Variants in ZDHHC13 observed in about 807,000 individuals in gnomAD.
The protein encoded by ZDHHC13 is zDHHC palmitoyltransferase 13.
Under a neutral mutation model 86.0 loss-of-function variants are expected in ZDHHC13, and 85 were observed. The observed-to-expected ratio is 0.99, with a 90% CI of 0.83 to 1.18. The LOEUF is 1.18. Among genes scored for constraint, ZDHHC13 ranks in the 50% most tolerant of loss-of-function variants. The probability of loss-of-function intolerance (pLI) is 0.00; values close to 1 mark genes in which losing one functional copy is unlikely to be tolerated. For missense variants in ZDHHC13, 711 were observed against 730.2 expected (o/e 0.97, Z 0.30); for synonymous variants, 263 against 246.4 (o/e 1.07, Z -0.63).
At chr11:19,134,124 G>C (rs1849070460) in intron 1 of ZDHHC13, among the ~76,000 whole-genome samples, 1 of 151,766 alleles carries the variant, frequency 6.6e-6, no homozygotes, top group Admixed American at 6.6e-5. Context: ...AGACTATTTT[G>C]AAGATATAAT....
intron 3 of ZDHHC13, among the ~76,000 whole-genome samples, chr11:19,146,616 C>G (rs1192398086): frequency 1.3e-5 from 2 of 152,058 alleles, no homozygotes; most frequent in Non-Finnish European, 2.9e-5. Flanking sequence ...GAAGTCTCAT[C>G]TAGTTTAGAA....
intron 9 of ZDHHC13, among the ~76,000 whole-genome samples, chr11:19,156,707 C>T (rs74723403): frequency 0.016 from 2,455 of 152,198 alleles, 64 homozygotes; most frequent in African/African-American, 0.056. Context: ...TCACCTCCCA[C>T]GTCCAACCCA....
At chr11:19,137,675 C>G (rs573337512) in intron 1 of ZDHHC13, among the ~76,000 whole-genome samples, 58 of 152,172 alleles carry the variant, frequency 3.8e-4, no homozygotes, top group Non-Finnish European at 7.3e-4. Flanking sequence ...AAGTAAAGCT[C>G]TCCTCAGCAA....
At chr11:19,125,434 A>G (rs1848852606) in intron 1 of ZDHHC13, among the ~76,000 whole-genome samples, 1 of 152,248 alleles carries the variant, frequency 6.6e-6, no homozygotes, top group African/African-American at 2.4e-5. Flanking sequence ...AGATGCCCCT[A>G]TACATCTATT....
At chr11:19,174,107 C>A (rs111889207) in intron 16 of ZDHHC13, among the ~76,000 whole-genome samples, 2 of 152,130 alleles carry the variant, frequency 1.3e-5, no homozygotes, top group Admixed American at 1.3e-4. Flanking sequence ...GTACTGAACT[C>A]GGTATATACC....
intron 1 of ZDHHC13, among the ~76,000 whole-genome samples, chr11:19,140,681 GAT>G: frequency 6.6e-6 from 1 of 152,188 alleles, no homozygotes; most frequent in Admixed American, 6.5e-5. Context: ...GTCCAACAAT[GAT>G]AGACTGGATT....
rs767986287 is a variant in ZDHHC13 at position 19,164,672 on chromosome 11, C to T, written c.1296+309C>T. 33 of 422,146 alleles carry T rather than the reference C, an allele frequency of 7.8e-5. No homozygotes were observed. The Admixed American group carries it at 8.9e-4, about 11-fold the overall frequency. The allele number at this position is 422,146 out of a possible 1,614,324, so 26.2% of individuals were successfully genotyped here. On this transcript the variant is annotated intron_variant, in intron 12 of 16. Transcript: ENST00000446113. ...CAGAGGCTCATAATGACCTTAGAAACCACTTAGTGAAACCTCTCATTTTGC... is the reference window on the plus strand; with the variant it reads ...CAGAGGCTCATAATGACCTTAGAAATCACTTAGTGAAACCTCTCATTTTGC...
rs754506792 is a variant in ZDHHC13, at chr11:19,150,751, G to A, written c.544G>A (p.Gly182Arg). 6.2e-7 allele frequency: 1 copy of A among 1,610,620 alleles called. No individual in the cohort carries two copies. The highest frequency in any genetic ancestry group is 1.7e-5 in the Admixed American group (1 of 59,986). The change falls in exon 6 of 17, where the codon GGG becomes AGG. Residue 182 changes from glycine to arginine, a missense_variant. Transcript: ENST00000446113. ...GAGTGTGAATATGACAGATGTAAAT[G>A]GGCAGACACCTCTCATGTTATCAGC... ...GQSVNMTDVN[G>R]QTPLMLSAHK...
chr11:19,167,036 A>G (rs1331709694), intron 14 of ZDHHC13: 3 of 152,248 alleles, frequency 2.0e-5, no homozygotes, highest in Non-Finnish European at 4.4e-5. Context: ...GAACCAAGAA[A>G]GATTTTGGCT....
Position 19,139,601 on chromosome 11 carries a change from C to G in ZDHHC13, c.28-3377C>G, listed in dbSNP as rs1403345090. On this transcript the variant is annotated intron_variant, in intron 1 of 16. Coordinates refer to ENST00000446113, the MANE Select transcript of ZDHHC13 (RefSeq NM_019028.3). ...TATGGAACCAAAAAAGAGCCCGCATCGCCAAGTCAATCCTAAGCCAAAAGA... is the reference window on the plus strand; with the variant it reads ...TATGGAACCAAAAAAGAGCCCGCATGGCCAAGTCAATCCTAAGCCAAAAGA... 4.6e-3 allele frequency among the ~76,000 whole-genome samples: 689 copies of G among 149,820 alleles called. 3 individuals are homozygous for G. Among genetic ancestry groups the G allele is most frequent in the African/African-American group, 0.016 (654 of 40,410 alleles).
At position 19,170,583 on chromosome 11, in the gene ZDHHC13, T is replaced by C. The variant is rs773574315; in HGVS notation, c.1632+15T>C. ...AACTCTTTCAGGTATTTATTTCTCT[T>C]CTTATAATGGCTTTGAGTAAAATTT... On this transcript the variant is annotated intron_variant, in intron 15 of 16. Transcript: ENST00000446113. 4 of 1,509,806 alleles carry C rather than the reference T, an allele frequency of 2.6e-6. No individual in the cohort carries two copies. The African/African-American group carries it at 5.7e-5, about 22-fold the overall frequency. The allele number at this position is 1,509,806 out of a possible 1,614,324, so 93.5% of individuals were successfully genotyped here. A position where few individuals can be genotyped will look rare whatever the true frequency, so the allele number is the denominator to read the frequency against.
intron 1 of ZDHHC13, among the ~76,000 whole-genome samples, chr11:19,138,001 A>G (rs1849193600): frequency 1.3e-5 from 2 of 150,368 alleles, no homozygotes; most frequent in Admixed American, 6.6e-5. Context: ...AATTAAAAGA[A>G]CTAGAAAAGC....
At chr11:19,152,714 A>G in intron 8 of ZDHHC13, 30 bp downstream of exon 8, 1 of 1,611,458 alleles carries the variant, frequency 6.2e-7, no homozygotes, top group Non-Finnish European at 8.5e-7. Flanking sequence ...TTTCTATGGG[A>G]TAGATGACTT....
At position 19,172,727 on chromosome 11, in the gene ZDHHC13, C is replaced by T. The variant is rs372799462; in HGVS notation, c.1637C>T (p.Ala546Val). ...CCTTCCACCCTTCTTTTTCAGATTG[C>T]CTTTCTGGGCCTGACCTCCCATGAG... is the stretch of plus-strand genomic sequence containing the variant. The part of the protein sequence containing the change: ...FLLLNQLFQI[A>V]FLGLTSHERI... The change falls in exon 16 of 17, where the codon GCC becomes GTC. Residue 546 changes from alanine (A) to valine (V), a missense_variant. Ala to Val is a moderately conservative substitution (Grantham distance 64). Coordinates refer to ENST00000446113, the MANE Select transcript of ZDHHC13 (RefSeq NM_019028.3). 3 of 1,593,932 alleles carry T rather than the reference C, an allele frequency of 1.9e-6. No homozygotes were observed. Among genetic ancestry groups the T allele is most frequent in the Non-Finnish European group, 2.6e-6 (3 of 1,170,714 alleles).
Position 19,172,769 on chromosome 11 carries a change from A to G in ZDHHC13, c.1679A>G (p.Lys560Arg). The change falls in exon 16 of 17, where the codon AAG becomes AGG. Residue 560 changes from lysine (K) to arginine (R), a missense_variant. Physicochemically the swap from Lys to Arg is conservative, Grantham distance 26 (BLOSUM62 2). Coordinates refer to ENST00000446113, the MANE Select transcript of ZDHHC13 (RefSeq NM_019028.3). The part of the protein sequence containing the change: ...LTSHERISLQ[K>R]QSKHMKQTLS... The stretch of plus-strand genomic sequence containing the variant: ...TCCCATGAGAGAATCAGCCTGCAGA[A>G]GCAGAGCAAGCATATGAAACAGACG... The G allele has an allele frequency of 6.2e-7, 1 of 1,606,756 alleles. No homozygotes were observed. Among genetic ancestry groups the G allele is most frequent in the East Asian group, 2.2e-5 (1 of 44,662 alleles).
intron 16 of ZDHHC13, among the ~76,000 whole-genome samples, chr11:19,175,487 T>A (rs1850339890): frequency 6.8e-6 from 1 of 147,894 alleles, no homozygotes; most frequent in Admixed American, 6.8e-5. Context: ...GTAATCAAGG[T>A]CTGAATTAGG....
At chr11:19,130,305 T>C (rs1438322034) in intron 1 of ZDHHC13, among the ~76,000 whole-genome samples, 1 of 152,240 alleles carries the variant, frequency 6.6e-6, no homozygotes, top group Non-Finnish European at 1.5e-5. Flanking sequence ...TTAAGGTGTT[T>C]GTATATTTCA....
Position 19,170,532 on chromosome 11 carries a change from A to G in ZDHHC13, c.1596A>G (p.Ser532=). 1 of 1,528,956 alleles carries G rather than the reference A, an allele frequency of 6.5e-7. No individual in the cohort carries two copies. Among genetic ancestry groups the G allele is most frequent in the South Asian group, 1.3e-5 (1 of 78,454 alleles). The allele number at this position is 1,528,956 out of a possible 1,614,324, so 94.7% of individuals were successfully genotyped here. ...YILMLATFHF[S]WSTFLLLNQL... Reference sequence around the variant, plus strand: ...TGATGCTAGCAACTTTCCATTTCTCATGGTCAACATTTTTATTATTAAATC... The same window carrying G: ...TGATGCTAGCAACTTTCCATTTCTCGTGGTCAACATTTTTATTATTAAATC... Residue 532 remains serine, a synonymous_variant, in exon 15 of 17, where the codon TCA becomes TCG. Transcript: ENST00000446113.
intron 13 of ZDHHC13, 101 bp from the exon 14 acceptor site, chr11:19,166,201 C>A (rs1347481310): frequency 2.3e-5 from 21 of 900,536 alleles, no homozygotes; most frequent in Non-Finnish European, 3.4e-5. Context: ...TTCTGTTTTA[C>A]TTTGGTGAAG....
Sources: gnomAD v4.1 joint callset for allele counts (sites outside exome capture counted in the v4.1 genomes callset) on GRCh38, gnomAD v4.1.1 for gene constraint, MANE v1.5 for transcripts, NCBI Gene and HGNC (gene_info 2026-07-23, HGNC 2026-07-21) for gene names.